Variants in PDGFC observed in about 807,000 individuals in gnomAD.
PDGFC encodes platelet derived growth factor C, also known as platelet-derived growth factor C.
In PDGFC, 12 loss-of-function variants were observed where a neutral mutation model predicts 35.5. The observed-to-expected ratio is 0.34, with a 90% CI of 0.22 to 0.55. The LOEUF (loss-of-function observed/expected upper bound fraction) is 0.55. Among genes scored for constraint, PDGFC ranks in the 20% least tolerant of loss-of-function variants. PDGFC has a pLI of 0.91. For synonymous variants in PDGFC, 159 were observed against 148.8 expected (o/e 1.07, Z -0.50); for missense variants, 322 against 412.4 (o/e 0.78, Z 1.90).
chr4:156,825,584 TAATAATAATAAGAAGAAGAAGAAGAAG>T lies in PDGFC; in HGVS notation c.315-14594_315-14568del, dbSNP rs1320943912. On this transcript the variant is annotated intron_variant, in intron 2 of 5. Transcript: ENST00000502773. ...ATAATAATAATAATAATAATAATAA[TAATAATAATAAGAAGAAGAAGAAGAAG>T]AAGAAGAAGAAGAAGAAGAAGAAGA... Among the ~76,000 whole-genome samples the T allele has an allele frequency of 2.0e-3, 176 of 90,190 alleles. 2 individuals are homozygous for T. Among genetic ancestry groups the T allele is most frequent in the South Asian group, 4.8e-3 (12 of 2,484 alleles). 59.2% of individuals were successfully genotyped at this position (90,190 alleles called of 152,430 possible).
chr4:156,904,245 G>A (rs11728198), intron 1 of PDGFC, among the ~76,000 whole-genome samples: 91,009 of 151,754 alleles, frequency 0.6, 27,470 homozygotes, highest in East Asian at 0.7. Context: ...CTAATTTAAC[G>A]TGAAAAGTCA....
At chr4:156,783,691 A>C (rs2110855456) in intron 3 of PDGFC, among the ~76,000 whole-genome samples, 1 of 152,052 alleles carries the variant, frequency 6.6e-6, no homozygotes, top group South Asian at 2.1e-4. Context: ...TGTCCCTCCT[A>C]CTTGCCTCGA....
At chr4:156,879,902 C>G (rs28736492) in intron 1 of PDGFC, among the ~76,000 whole-genome samples, 6,995 of 152,216 alleles carry the variant, frequency 0.046, 526 homozygotes, top group African/African-American at 0.16. Flanking sequence ...AGACCAACCA[C>G]AACATTCTCT....
At chr4:156,869,867 C>G (rs577819800) in intron 1 of PDGFC, among the ~76,000 whole-genome samples, 1 of 152,018 alleles carries the variant, frequency 6.6e-6, no homozygotes, top group Admixed American at 6.6e-5. Context: ...CACACACATA[C>G]ACAAATAAAT....
Position 156,761,136 on chromosome 4 carries a change from C to A in PDGFC, c.*1954G>T, listed in dbSNP as rs1470553592. 1 of 152,200 alleles carries A rather than the reference C, an allele frequency of 6.6e-6. No homozygotes were observed. The highest frequency in any genetic ancestry group is 1.5e-5 in the Non-Finnish European group (1 of 68,080). The allele number at this position is 152,200 out of a possible 1,614,324, so 9.4% of individuals were successfully genotyped here. A position where few individuals can be genotyped will look rare whatever the true frequency, so the allele number is the denominator to read the frequency against. ...AGGCCCTGGACACTAGACATCTCTG[C>A]CAAGTTGAAAGGCTGAGGAAAGGAT... On this transcript the variant is annotated 3_prime_UTR_variant, in exon 6 of 6. Coordinates refer to ENST00000502773, the MANE Select transcript of PDGFC (RefSeq NM_016205.3).
At chr4:156,831,439 CTTTTTTTTTTT>C (rs34254264) in intron 2 of PDGFC, among the ~76,000 whole-genome samples, 10 of 99,316 alleles carry the variant, frequency 1.0e-4, no homozygotes, top group African/African-American at 4.4e-4. Flanking sequence ...GAGACCCTGT[CTTTTTTTTTTT>C]TTTTTTTTTT....
intron 5 of PDGFC, among the ~76,000 whole-genome samples, chr4:156,764,956 T>C (rs189188630): frequency 2.5e-4 from 38 of 152,214 alleles, no homozygotes; most frequent in African/African-American, 9.1e-4. Flanking sequence ...AATTACTATG[T>C]AAGGTAAAGA....
chr4:156,824,315 TATATATATATATAC>T (rs1412088970), intron 2 of PDGFC, among the ~76,000 whole-genome samples: 76 of 48,268 alleles, frequency 1.6e-3, no homozygotes, highest in South Asian at 4.7e-3. Context: ...TATATATATA[TATATATATATATAC>T]ACACACACAC....
chr4:156,968,880 C>A (rs945197459), intron 1 of PDGFC, among the ~76,000 whole-genome samples: 1 of 152,170 alleles, frequency 6.6e-6, no homozygotes, highest in Non-Finnish European at 1.5e-5. Flanking sequence ...CAGATGGCAA[C>A]AGAATGTGTG....
intron 1 of PDGFC, among the ~76,000 whole-genome samples, chr4:156,895,510 T>C (rs1483166232): frequency 6.6e-6 from 1 of 151,814 alleles, no homozygotes; most frequent in African/African-American, 2.4e-5. Flanking sequence ...TGGGTGCCTG[T>C]AATCCCAGCT....
chr4:156,963,056 T>G (rs1389084189), intron 1 of PDGFC, among the ~76,000 whole-genome samples: 1 of 152,102 alleles, frequency 6.6e-6, no homozygotes, highest in Non-Finnish European at 1.5e-5. Context: ...TTGTTCTGTT[T>G]GAGAATGTTG....
chr4:156,814,274 C>T (rs188066844), intron 2 of PDGFC, among the ~76,000 whole-genome samples: 61 of 152,102 alleles, frequency 4.0e-4, no homozygotes, highest in Middle Eastern at 3.4e-3. Flanking sequence ...TCGAGGAATT[C>T]GAGGAAACAG....
chr4:156,782,332 A>T (rs1731003834), intron 3 of PDGFC, among the ~76,000 whole-genome samples: 1 of 152,168 alleles, frequency 6.6e-6, no homozygotes, highest in African/African-American at 2.4e-5. Flanking sequence ...AAACCAACAA[A>T]AAATCCTATG....
At chr4:156,852,407 G>T (rs1729479496) in intron 1 of PDGFC, among the ~76,000 whole-genome samples, 1 of 152,054 alleles carries the variant, frequency 6.6e-6, no homozygotes, top group Admixed American at 6.6e-5. Context: ...TTTTGTCTTG[G>T]TATTATAGCT....
chr4:156,935,739 T>C (rs1267130092), intron 1 of PDGFC, among the ~76,000 whole-genome samples: 1 of 152,196 alleles, frequency 6.6e-6, no homozygotes, highest in Non-Finnish European at 1.5e-5. Context: ...AACCTAATCT[T>C]GTAAGAGCCA....
At chr4:156,962,136 G>A (rs957086083) in intron 1 of PDGFC, among the ~76,000 whole-genome samples, 4 of 152,134 alleles carry the variant, frequency 2.6e-5, no homozygotes, top group African/African-American at 9.7e-5. Context: ...CAACCCTGCA[G>A]GAAGTACACA....
intron 2 of PDGFC, among the ~76,000 whole-genome samples, chr4:156,825,898 T>C (rs948544942): frequency 4.0e-5 from 6 of 151,376 alleles, no homozygotes; most frequent in Non-Finnish European, 7.4e-5. Flanking sequence ...GAAGACAGTC[T>C]CACTCTGTCA....
intron 1 of PDGFC, among the ~76,000 whole-genome samples, chr4:156,946,042 C>G (rs1338280362): frequency 1.3e-5 from 2 of 151,978 alleles, no homozygotes; most frequent in East Asian, 3.9e-4. Context: ...TTCTTGTAAA[C>G]TATGTAACAT....
intron 3 of PDGFC, among the ~76,000 whole-genome samples, chr4:156,798,266 T>G (rs1203107886): frequency 1.3e-5 from 2 of 152,030 alleles, no homozygotes; most frequent in African/African-American, 4.8e-5. Flanking sequence ...AGGCTAAACC[T>G]CATTTAAGAG....
Sources: gnomAD v4.1 joint callset for allele counts (sites outside exome capture counted in the v4.1 genomes callset) on GRCh38, gnomAD v4.1.1 for gene constraint, MANE v1.5 for transcripts, NCBI Gene and HGNC (gene_info 2026-07-23, HGNC 2026-07-21) for gene names.